Variants in CNTN5 observed in about 807,000 individuals in gnomAD.
CNTN5 encodes contactin-5.
A neutral mutation model predicts 129.1 loss-of-function variants in CNTN5; 77 were observed. The observed-to-expected ratio is 0.60, with a 90% CI of 0.50 to 0.72. CNTN5 has a LOEUF of 0.72. Among genes scored for constraint, CNTN5 ranks in the 30% least tolerant of loss-of-function variants. The probability of loss-of-function intolerance (pLI) is 0.00; values close to 1 mark genes in which losing one functional copy is unlikely to be tolerated. For missense variants in CNTN5, 1,478 were observed against 1,328.8 expected (o/e 1.11, Z -1.75); for synonymous variants, 509 against 465.6 (o/e 1.09, Z -1.20).
At chr11:99,476,364 T>G (rs1432225826) in intron 2 of CNTN5, among the ~76,000 whole-genome samples, 1 of 152,154 alleles carries the variant, frequency 6.6e-6, no homozygotes, top group Non-Finnish European at 1.5e-5. Flanking sequence ...TTTCACACTT[T>G]CATTACTTAG....
intron 13 of CNTN5, among the ~76,000 whole-genome samples, chr11:100,129,931 A>G (rs1306861285): frequency 6.6e-6 from 1 of 152,134 alleles, no homozygotes; most frequent in Non-Finnish European, 1.5e-5. Flanking sequence ...TGGTAAAAAA[A>G]ATCACCATCA....
chr11:100,096,246 T>C (rs1003105035), intron 13 of CNTN5, among the ~76,000 whole-genome samples: 1 of 152,100 alleles, frequency 6.6e-6, no homozygotes, highest in African/African-American at 2.4e-5. Context: ...CCAGGCACAT[T>C]ATTTAATCTT....
chr11:100,126,406 T>C (rs1946184333), intron 13 of CNTN5, among the ~76,000 whole-genome samples: 1 of 152,140 alleles, frequency 6.6e-6, no homozygotes, highest in Non-Finnish European at 1.5e-5. Context: ...TCTACTATTG[T>C]GTGGCCATGT....
At chr11:99,778,383 CTGTA>C (rs1247599834) in intron 3 of CNTN5, among the ~76,000 whole-genome samples, 2 of 151,816 alleles carry the variant, frequency 1.3e-5, no homozygotes, top group Non-Finnish European at 2.9e-5. Context: ...TGTGTTTAGA[CTGTA>C]TGCTTTAAAA....
intron 3 of CNTN5, among the ~76,000 whole-genome samples, chr11:99,674,366 G>A (rs1451550409): frequency 1.3e-5 from 2 of 151,890 alleles, no homozygotes; most frequent in Admixed American, 1.3e-4. Flanking sequence ...TTTGTCAGAT[G>A]AGAAGTTTGC....
rs1345986004 is a variant in CNTN5, at chr11:99,883,490, C to T, written c.578-32564C>T. Among the ~76,000 whole-genome samples, 6 of 152,272 alleles carry T rather than the reference C, an allele frequency of 3.9e-5. No homozygotes were observed. The East Asian group carries it at 5.8e-4, about 15-fold the overall frequency. On this transcript the variant is annotated intron_variant, in intron 6 of 24. Coordinates refer to ENST00000524871, the MANE Select transcript of CNTN5 (RefSeq NM_014361.4). ...CAATGATGTTGAGCACCTATTCATA[C>T]GCCTGTTAGAAAGTCAATTTCTAAA...
intron 1 of CNTN5, among the ~76,000 whole-genome samples, chr11:99,208,958 G>A (rs1859622406): frequency 6.6e-6 from 1 of 151,874 alleles, no homozygotes; most frequent in South Asian, 2.1e-4. Flanking sequence ...CAATTTGCAA[G>A]TCACAGTGTA....
At chr11:99,662,452 A>G (rs1952629154) in intron 3 of CNTN5, among the ~76,000 whole-genome samples, 1 of 152,220 alleles carries the variant, frequency 6.6e-6, no homozygotes, top group Non-Finnish European at 1.5e-5. Flanking sequence ...AGATAAAAGT[A>G]GTATACAGAA....
chr11:100,097,021 C>T lies in CNTN5; in HGVS notation c.1580+22727C>T, dbSNP rs144551872. ...TCTCTTCATTTGTTTCTTAAAACCA[C>T]GCTGTGTTATTTAAGGAAATGATGA... On this transcript the variant is annotated intron_variant, in intron 13 of 24. Coordinates refer to ENST00000524871, the MANE Select transcript of CNTN5 (RefSeq NM_014361.4). 6.2e-3 allele frequency among the ~76,000 whole-genome samples: 938 copies of T among 152,144 alleles called. 9 individuals are homozygous for T. Among genetic ancestry groups the T allele is most frequent in the African/African-American group, 0.02 (836 of 41,530 alleles).
intron 1 of CNTN5, among the ~76,000 whole-genome samples, chr11:99,184,513 C>A (rs1349009182): frequency 2.0e-5 from 3 of 152,052 alleles, no homozygotes; most frequent in African/African-American, 4.8e-5. Flanking sequence ...CATATAAAAT[C>A]TTTTCTCTTA....
At chr11:99,104,633 C>T (rs1226155906) in intron 1 of CNTN5, among the ~76,000 whole-genome samples, 1 of 107,884 alleles carries the variant, frequency 9.3e-6, no homozygotes, top group African/African-American at 4.3e-5. Flanking sequence ...TATATATACA[C>T]ACACACACGT....
At chr11:99,729,889 G>A (rs1943472767) in intron 3 of CNTN5, among the ~76,000 whole-genome samples, 1 of 152,066 alleles carries the variant, frequency 6.6e-6, no homozygotes, top group African/African-American at 2.4e-5. Flanking sequence ...CACACATTGG[G>A]GCCTGTGGGG....
chr11:99,892,301 C>G (rs951483060), intron 6 of CNTN5, among the ~76,000 whole-genome samples: 2 of 152,074 alleles, frequency 1.3e-5, no homozygotes, highest in South Asian at 2.1e-4. Flanking sequence ...ATGACAGTTT[C>G]TTTTGCTCTG....
intron 2 of CNTN5, among the ~76,000 whole-genome samples, chr11:99,356,267 T>A (rs904470063): frequency 1.9e-4 from 29 of 152,260 alleles, no homozygotes; most frequent in African/African-American, 6.5e-4. Flanking sequence ...CACTTCTAGA[T>A]CTCTACAAAT....
chr11:99,376,463 C>T (rs1032490486), intron 2 of CNTN5, among the ~76,000 whole-genome samples: 9 of 152,242 alleles, frequency 5.9e-5, no homozygotes, highest in Non-Finnish European at 1.3e-4. Flanking sequence ...TAAAACTGAA[C>T]ATTGAAGTTC....
chr11:99,716,629 C>G (rs1055749413), intron 3 of CNTN5, among the ~76,000 whole-genome samples: 12 of 152,034 alleles, frequency 7.9e-5, no homozygotes, highest in Admixed American at 6.6e-4. Context: ...ACATGCAGCT[C>G]TTAGAAATTG....
intron 3 of CNTN5, among the ~76,000 whole-genome samples, chr11:99,631,461 AC>A (rs1471518335): frequency 1.3e-5 from 2 of 152,028 alleles, no homozygotes; most frequent in Non-Finnish European, 2.9e-5. Flanking sequence ...AATTATAAAA[AC>A]ATTATTGAAA....
intron 3 of CNTN5, among the ~76,000 whole-genome samples, chr11:99,791,202 T>C (rs1160708448): frequency 6.6e-6 from 1 of 152,042 alleles, no homozygotes. Context: ...GGGGTCTTAG[T>C]CATGAACTCT....
chr11:99,178,274 A>C (rs980992305), intron 1 of CNTN5, among the ~76,000 whole-genome samples: 7 of 151,288 alleles, frequency 4.6e-5, no homozygotes, highest in Admixed American at 1.3e-4. Context: ...TCAGCCCAGG[A>C]TTTCAAGACC....
Sources: allele counts gnomAD v4.1 joint callset (sites outside exome capture counted in the v4.1 genomes callset), GRCh38; gene constraint gnomAD v4.1.1; transcripts MANE v1.5; gene names NCBI Gene and HGNC (gene_info 2026-07-23, HGNC 2026-07-21).